DPP6: variants seen among roughly 807,000 people sequenced by gnomAD.
DPP6 encodes dipeptidyl peptidase like 6.
Under a neutral mutation model 122.6 loss-of-function variants are expected in DPP6, and 69 were observed. The ratio of observed to expected loss-of-function variants is 0.56; its 90% CI spans 0.46 to 0.69. The LOEUF is 0.69. DPP6 is among the 30% of genes least tolerant of loss of function. DPP6 has a pLI of 0.00. For missense variants in DPP6, 928 were observed against 1,116.9 expected, an observed-to-expected ratio of 0.83 and a Z score of 2.41; for synonymous variants, 418 against 433.1, an observed-to-expected ratio of 0.97 and a Z score of 0.43.
chr7:154,308,932 G>T (rs1321234825), intron 1 of DPP6, among the ~76,000 whole-genome samples: 1 of 152,318 alleles, frequency 6.6e-6, no homozygotes, highest in South Asian at 2.1e-4. Flanking sequence ...TTGTGTGCAT[G>T]TGTATGTATG....
At chr7:154,329,102 T>C (rs1052373174) in intron 1 of DPP6, among the ~76,000 whole-genome samples, 5 of 152,210 alleles carry the variant, frequency 3.3e-5, no homozygotes, top group Admixed American at 1.3e-4. Flanking sequence ...TAAGGAAGAA[T>C]AGATTGGAAC....
chr7:154,665,680 C>T (rs1008916949), intron 6 of DPP6, among the ~76,000 whole-genome samples: 6 of 152,118 alleles, frequency 3.9e-5, no homozygotes, highest in Admixed American at 3.3e-4. Context: ...GTTTCTAGGC[C>T]TTCTCAGTGG....
the DPP6 span, among the ~76,000 whole-genome samples, chr7:153,780,553 C>T: frequency 1.3e-5 from 2 of 152,108 alleles, no homozygotes; most frequent in Non-Finnish European, 2.9e-5. Context: ...TATTAACATC[C>T]TTGGACTTTG....
At chr7:154,014,048 A>G (rs1334141776) in intron 1 of DPP6, among the ~76,000 whole-genome samples, 2 of 152,132 alleles carry the variant, frequency 1.3e-5, no homozygotes, top group Non-Finnish European at 2.9e-5. Context: ...GCTCTTCCTT[A>G]GGTTCTAGAA....
chr7:154,052,762 C>G lies in DPP6; in HGVS notation c.-59C>G. On this transcript the variant is annotated 5_prime_UTR_variant, in exon 1 of 26. Transcript: ENST00000377770. This position sits in a 1 kb window ranked among gnomAD's most constrained non-coding sequence, Gnocchi z 4.8. ...CTGGAGCGGGGTGGGGAGTGGGAACCGGAGAGAAAGCAAAATATTAAAAAG... is the reference window on the plus strand; with the variant it reads ...CTGGAGCGGGGTGGGGAGTGGGAACGGGAGAGAAAGCAAAATATTAAAAAG... 1 of 1,402,560 alleles carries G rather than the reference C, an allele frequency of 7.1e-7. No homozygotes were observed. The highest frequency in any genetic ancestry group is 9.4e-7 in the Non-Finnish European group (1 of 1,062,596). The allele number at this position is 1,402,560 out of a possible 1,614,324, so 86.9% of individuals were successfully genotyped here.
At chr7:154,030,102 G>A (rs1225023771) in intron 1 of DPP6, among the ~76,000 whole-genome samples, 1 of 152,040 alleles carries the variant, frequency 6.6e-6, no homozygotes, top group Non-Finnish European at 1.5e-5. Flanking sequence ...AGATTGCAGT[G>A]GGAGGATCAC....
At chr7:153,864,760 T>C in the DPP6 span, among the ~76,000 whole-genome samples, 3 of 151,912 alleles carry the variant, frequency 2.0e-5, no homozygotes, top group African/African-American at 7.3e-5. Flanking sequence ...ATATAATGTA[T>C]GTGTTATGTA....
chr7:154,357,014 C>A lies in DPP6; in HGVS notation c.244-89200C>A, dbSNP rs368433286. ...AAAATATAATTAAAAGTTTATTGGACAAAAGTTTTACCCACACCTAGCACA... is the reference window on the plus strand; with the variant it reads ...AAAATATAATTAAAAGTTTATTGGAAAAAAGTTTTACCCACACCTAGCACA... On this transcript the variant is annotated intron_variant, in intron 1 of 25. Transcript: ENST00000377770. 7.9e-5 allele frequency among the ~76,000 whole-genome samples: 12 copies of A among 152,196 alleles called. No individual in the cohort carries two copies. In the East Asian group the frequency reaches 2.3e-3, roughly 29 times the overall value.
At position 154,483,337 on chromosome 7, in the gene DPP6, T is replaced by G. The variant is rs1823489381; in HGVS notation, c.457+8300T>G. The stretch of plus-strand genomic sequence containing the variant: ...ACAATAGTGGTGATCATTTGAGTCA[T>G]ATTTAAATTGTTTATTTCTTTCTGT... On this transcript the variant is annotated intron_variant, in intron 3 of 25. Transcript: ENST00000377770. This position sits in a 1 kb window ranked among gnomAD's most constrained non-coding sequence, Gnocchi z 8.1. Among the ~76,000 whole-genome samples, 1 of 152,130 alleles carries G rather than the reference T, an allele frequency of 6.6e-6. No homozygotes were observed. Among genetic ancestry groups the G allele is most frequent in the Admixed American group, 6.5e-5 (1 of 15,280 alleles).
intron 1 of DPP6, among the ~76,000 whole-genome samples, chr7:154,112,435 A>G (rs1348475984): frequency 6.6e-6 from 1 of 152,108 alleles, no homozygotes; most frequent in Admixed American, 6.6e-5. Flanking sequence ...ATTTGAGGCC[A>G]GAAGTTCGAG....
At chr7:153,781,344 T>C in the DPP6 span, among the ~76,000 whole-genome samples, 1 of 152,186 alleles carries the variant, frequency 6.6e-6, no homozygotes, top group African/African-American at 2.4e-5. Context: ...TCCCCAGGAC[T>C]GCAAGGGAAG....
At chr7:154,850,884 C>T (rs919684030) in intron 16 of DPP6, among the ~76,000 whole-genome samples, 3 of 152,134 alleles carry the variant, frequency 2.0e-5, no homozygotes, top group African/African-American at 7.2e-5. Flanking sequence ...TTTCAAAAAA[C>T]AAACTTTAGA....
chr7:154,614,136 A>G (rs1235844487), intron 5 of DPP6, among the ~76,000 whole-genome samples: 2 of 151,970 alleles, frequency 1.3e-5, no homozygotes, highest in Non-Finnish European at 2.9e-5. Context: ...TCCCTTCCCA[A>G]TCCAGCACAG....
chr7:154,745,056 G>C (rs886470178), intron 8 of DPP6, among the ~76,000 whole-genome samples: 26 of 152,330 alleles, frequency 1.7e-4, no homozygotes, highest in Non-Finnish European at 3.2e-4. Context: ...CTATAGCCTG[G>C]GCTGCCAGAC....
chr7:154,451,481 TC>T (rs1474818087), intron 2 of DPP6, among the ~76,000 whole-genome samples: 1 of 151,630 alleles, frequency 6.6e-6, no homozygotes, highest in Non-Finnish European at 1.5e-5. Context: ...CAAGCTCAAC[TC>T]CAGGCCTGGC....
intron 5 of DPP6, among the ~76,000 whole-genome samples, chr7:154,622,219 T>C (rs986324453): frequency 6.6e-6 from 1 of 152,184 alleles, no homozygotes. Context: ...TTTGCCACTT[T>C]GGATGGCAAA....
chr7:153,936,044 C>T (rs1471209453), intron 1 of DPP6, among the ~76,000 whole-genome samples: 1 of 152,172 alleles, frequency 6.6e-6, no homozygotes, highest in Non-Finnish European at 1.5e-5. Context: ...AGCCCTTAGT[C>T]CAGCACGGGG....
chr7:154,739,673 GTCA>G (rs1293785621), intron 8 of DPP6, among the ~76,000 whole-genome samples: 1 of 151,788 alleles, frequency 6.6e-6, no homozygotes, highest in Non-Finnish European at 1.5e-5. Flanking sequence ...AGAACCATTA[GTCA>G]TCATCTCTTC....
chr7:153,865,298 A>C, the DPP6 span, among the ~76,000 whole-genome samples: 1 of 152,232 alleles, frequency 6.6e-6, no homozygotes, highest in East Asian at 1.9e-4. Flanking sequence ...CTCATTCAAA[A>C]CAACAACCAC....
Sources: allele counts gnomAD v4.1 joint callset (sites outside exome capture counted in the v4.1 genomes callset), GRCh38; gene constraint gnomAD v4.1.1; non-coding constraint Gnocchi (gnomAD v3.1); transcripts MANE v1.5; gene names NCBI Gene and HGNC (gene_info 2026-07-23, HGNC 2026-07-21).